The following PKD1L3 variants were observed in gnomAD, a reference collection of about 807,000 sequenced individuals.
PKD1L3 encodes polycystin 1 like 3, transient receptor potential channel interacting.
A neutral mutation model predicts 184.1 loss-of-function variants in PKD1L3; 239 were observed. That is an observed-to-expected ratio of 1.30 (90% CI 1.17 to 1.45). PKD1L3 has a LOEUF of 1.45. Among genes scored for constraint, PKD1L3 ranks in the 40% most tolerant of loss-of-function variants. The pLI, the probability that PKD1L3 is intolerant of heterozygous loss-of-function variation, is 0.00. For missense variants in PKD1L3, 2,660 were observed against 2,067.2 expected (o/e 1.29, Z -5.56); for synonymous variants, 996 against 778.8 (o/e 1.28, Z -4.64).
intron 2 of PKD1L3, among the ~76,000 whole-genome samples, chr16:71,997,812 G>A (rs1350746892): frequency 6.6e-6 from 1 of 151,492 alleles, no homozygotes; most frequent in Non-Finnish European, 1.5e-5. Context: ...ACACACAAAT[G>A]CATACGTACA....
intron 28 of PKD1L3, 114 bp from the exon 29 acceptor site, chr16:71,930,297 A>AACTT: frequency 9.1e-7 from 1 of 1,101,854 alleles, no homozygotes; most frequent in Non-Finnish European, 1.2e-6. Flanking sequence ...ATCCGAAGGA[A>AACTT]ACTTAGGGAG....
chr16:71,964,781 A>C (rs1182734583), intron 15 of PKD1L3, among the ~76,000 whole-genome samples: 4 of 151,820 alleles, frequency 2.6e-5, no homozygotes, highest in Admixed American at 1.3e-4. Flanking sequence ...CTCTGTCTTT[A>C]TAGAATAGTT....
At chr16:71,969,743 A>G in intron 13 of PKD1L3, 132 bp downstream of exon 13, 1 of 807,056 alleles carries the variant, frequency 1.2e-6, no homozygotes, top group Non-Finnish European at 1.9e-6. Context: ...AAATTTAAGA[A>G]AAGTTTCACT....
chr16:71,993,022 G>A (rs1267734965), intron 3 of PKD1L3, among the ~76,000 whole-genome samples, 194 bp downstream of exon 3: 1 of 152,112 alleles, frequency 6.6e-6, no homozygotes, highest in African/African-American at 2.4e-5. Context: ...AAAAGACGGC[G>A]GCCAAGGGCA....
chr16:71,964,309 C>CTTTTTTT (rs772995457), intron 15 of PKD1L3, among the ~76,000 whole-genome samples: 2 of 56,660 alleles, frequency 3.5e-5, no homozygotes, highest in African/African-American at 7.2e-5. Context: ...TCGTCAAAAT[C>CTTTTTTT]TTTTTTTTTT....
In PKD1L3 at chr16:71,942,712, G is replaced by A; in HGVS notation, c.4172C>T (p.Thr1391Ile). 2.6e-6 allele frequency: 4 copies of A among 1,551,710 alleles called. No individual in the cohort carries two copies. Among genetic ancestry groups the A allele is most frequent in the South Asian group, 1.2e-5 (1 of 84,062 alleles). Residue 1391 changes from threonine (T) to isoleucine (I), a missense_variant, in exon 24 of 30, where the codon ACC becomes ATC. Thr to Ile is a moderately conservative substitution (Grantham distance 89). Coordinates refer to ENST00000620267, the MANE Select transcript of PKD1L3 (RefSeq NM_181536.2). ...GQLAFCDNGH[T>I]CGRPKSLFPG... ...GAATAGGCTCTTGGGACGCCCACAG[G>A]TATGGCCGTTATCACAAAACGCCAG... is the stretch of plus-strand genomic sequence containing the variant.
chr16:71,973,726 G>T (rs987005361), intron 11 of PKD1L3, among the ~76,000 whole-genome samples: 1 of 152,184 alleles, frequency 6.6e-6, no homozygotes, highest in Non-Finnish European at 1.5e-5. Flanking sequence ...TTTTGGCCAG[G>T]TGTGGTGACT....
chr16:71,966,352 C>T (rs1174496979), intron 15 of PKD1L3, among the ~76,000 whole-genome samples: 4 of 151,954 alleles, frequency 2.6e-5, no homozygotes, highest in South Asian at 2.1e-4. Flanking sequence ...ACTTTATCAT[C>T]GTCTAGTTAT....
intron 26 of PKD1L3, among the ~76,000 whole-genome samples, 188 bp downstream of exon 26, chr16:71,935,170 T>A (rs2038130336): frequency 6.6e-6 from 1 of 152,262 alleles, no homozygotes; most frequent in African/African-American, 2.4e-5. Flanking sequence ...AGCTCTTCAA[T>A]GTGACTAGCA....
chr16:71,986,440 C>G lies in PKD1L3; in HGVS notation c.615G>C (p.Gln205His). Reference sequence around the variant, plus strand: ...TGATACTTGATAGTACTGAAGGAAACTGGCTGATGGGATGACACAGGGTCT... The same window carrying G: ...TGATACTTGATAGTACTGAAGGAAAGTGGCTGATGGGATGACACAGGGTCT... ...LSKTLCHPISQFPSVLSSITS... is the reference protein window; with the variant it reads ...LSKTLCHPISHFPSVLSSITS... Residue 205 changes from glutamine (Q) to histidine (H), a missense_variant, in exon 5 of 30, where the codon CAG (glutamine) becomes CAC (histidine). Transcript: ENST00000620267. 1 of 1,551,956 alleles carries G rather than the reference C, an allele frequency of 6.4e-7. No individual in the cohort carries two copies. The highest frequency in any genetic ancestry group is 8.7e-7 in the Non-Finnish European group (1 of 1,146,916).
chr16:71,998,421 C>G, intron 1 of PKD1L3, 27 bp from the exon 2 acceptor site: 3 of 1,527,710 alleles, frequency 2.0e-6, no homozygotes, highest in Non-Finnish European at 2.6e-6. Context: ...CGCAGATGAG[C>G]CTCATACTCG....
At position 71,982,133 on chromosome 16, in the gene PKD1L3, G is replaced by T; in HGVS notation, c.1069C>A (p.Pro357Thr). The T allele has an allele frequency of 1.3e-6, 2 of 1,551,998 alleles. No individual in the cohort carries two copies. Among genetic ancestry groups the T allele is most frequent in the Non-Finnish European group, 1.7e-6 (2 of 1,147,036 alleles). Residue 357 changes from proline to threonine, a missense_variant, in exon 7 of 30, where the codon CCC (proline) becomes ACC (threonine). Physicochemically the swap from Pro to Thr is conservative, Grantham distance 38 (BLOSUM62 -1). Coordinates refer to ENST00000620267, the MANE Select transcript of PKD1L3 (RefSeq NM_181536.2). ...GTGACATTGTTGAGGGAATGAAAGG[G>T]GCAGACAGTTGGAGGAACTTTGAAG... is the stretch of plus-strand genomic sequence containing the variant. The part of the protein sequence containing the change: ...LGFKVPPTVC[P>T]FHSLNNVTKA...
At chr16:71,948,273 C>T (rs899010056) in intron 21 of PKD1L3, among the ~76,000 whole-genome samples, 3 of 152,030 alleles carry the variant, frequency 2.0e-5, no homozygotes, top group Admixed American at 6.6e-5. Context: ...AGTAGAGACA[C>T]GGTTTCGCCA....
At chr16:71,983,940 G>T in intron 6 of PKD1L3, 96 bp downstream of exon 6, 1 of 1,465,400 alleles carries the variant, frequency 6.8e-7, no homozygotes. Context: ...TGGGATTACA[G>T]GCGTGAGCCA....
intron 2 of PKD1L3, among the ~76,000 whole-genome samples, chr16:71,993,834 G>A (rs1021637010): frequency 4.6e-5 from 7 of 152,288 alleles, no homozygotes; most frequent in Middle Eastern, 6.8e-3. Context: ...GAATGCAATG[G>A]CACGATCTGG....
intron 2 of PKD1L3, among the ~76,000 whole-genome samples, chr16:71,995,813 C>T (rs1222283126): frequency 1.3e-5 from 2 of 152,086 alleles, no homozygotes; most frequent in Admixed American, 1.3e-4. Flanking sequence ...TGCTGAATTC[C>T]CCTTTATTTA....
At chr16:71,957,499 T>A (rs1057031269) in intron 16 of PKD1L3, among the ~76,000 whole-genome samples, 2 of 152,048 alleles carry the variant, frequency 1.3e-5, no homozygotes, top group Non-Finnish European at 2.9e-5. Flanking sequence ...CACAAATGAA[T>A]TGAAATTAAA....
chr16:71,993,281 T>C lies in PKD1L3; in HGVS notation c.470A>G (p.His157Arg). 2.6e-6 allele frequency: 4 copies of C among 1,550,624 alleles called. No individual in the cohort carries two copies. The highest frequency in any genetic ancestry group is 3.5e-6 in the Non-Finnish European group (4 of 1,146,698). The change falls in exon 3 of 30, where the codon CAT (histidine) becomes CGT (arginine). Residue 157 changes from histidine (H) to arginine (R), a missense_variant. Transcript: ENST00000620267. ...AHYERNGNNS[H>R]LYQRHKKTKR... is the part of the protein sequence containing the mutation. ...TGTCTTCTTGTGTCTCTGGTACAAATGGGAATTATTTCCATTTCTTTCATA... is the reference window on the plus strand; with the variant it reads ...TGTCTTCTTGTGTCTCTGGTACAAACGGGAATTATTTCCATTTCTTTCATA...
intron 18 of PKD1L3, among the ~76,000 whole-genome samples, chr16:71,952,131 T>C (rs948137786): frequency 1.3e-5 from 2 of 149,944 alleles, no homozygotes; most frequent in Non-Finnish European, 1.5e-5. Flanking sequence ...AACAGGACCC[T>C]GACAGCCTCC....
Sources: allele counts gnomAD v4.1 joint callset (sites outside exome capture counted in the v4.1 genomes callset), GRCh38; gene constraint gnomAD v4.1.1; transcripts MANE v1.5; gene names NCBI Gene and HGNC (gene_info 2026-07-23, HGNC 2026-07-21).